The following NUMB variants were observed in gnomAD, a reference collection of about 807,000 sequenced individuals.
The protein encoded by NUMB is protein numb homolog.
NUMB carries 29 observed loss-of-function variants against 59.7 expected under a neutral mutation model. That is an observed-to-expected ratio of 0.49 (90% CI 0.36 to 0.66). NUMB has a LOEUF of 0.66. Ranked by LOEUF, NUMB falls within the 30% of genes least tolerant of loss-of-function variation. The pLI, the probability that NUMB is intolerant of heterozygous loss-of-function variation, is 0.00. For missense variants in NUMB, 723 were observed against 822.0 expected, an observed-to-expected ratio of 0.88 and a Z score of 1.47; for synonymous variants, 288 against 288.2, an observed-to-expected ratio of 1.00 and a Z score of 0.01.
chr14:73,320,657 T>C (rs953569325), intron 5 of NUMB, among the ~76,000 whole-genome samples: 3 of 152,184 alleles, frequency 2.0e-5, no homozygotes, highest in African/African-American at 4.8e-5. Context: ...AAGACTCAAT[T>C]TGACCACATA....
At chr14:73,283,321 ACT>A (rs1268393483) in intron 10 of NUMB, among the ~76,000 whole-genome samples, 2 of 152,178 alleles carry the variant, frequency 1.3e-5, no homozygotes, top group Admixed American at 6.5e-5. Flanking sequence ...GATGAACTTA[ACT>A]CTCTGTACTT....
At chr14:73,312,665 C>T (rs1479712033) in intron 6 of NUMB, among the ~76,000 whole-genome samples, 1 of 147,408 alleles carries the variant, frequency 6.8e-6, no homozygotes, top group Non-Finnish European at 1.5e-5. Context: ...AGTGAGCCAT[C>T]ATTGTGCCAC....
rs919638753 is a variant in NUMB, at chr14:73,316,285, G to A, written c.234+105C>T. 8.8e-6 allele frequency: 8 copies of A among 909,240 alleles called. No individual in the cohort carries two copies. The Admixed American group carries it at 1.6e-4, about 18-fold the overall frequency. The allele number at this position is 909,240 out of a possible 1,614,324, so 56.3% of individuals were successfully genotyped here. ...TCCATATACAATCAAACCAATTCCT[G>A]CATTATAAAGAAACCAAAGCTGTAC... On this transcript the variant is annotated intron_variant, in intron 6 of 12. Coordinates refer to ENST00000555238, the MANE Select transcript of NUMB (RefSeq NM_001005743.2).
intron 7 of NUMB, among the ~76,000 whole-genome samples, chr14:73,293,290 C>G (rs1320035729): frequency 1.3e-5 from 2 of 152,104 alleles, no homozygotes; most frequent in Non-Finnish European, 2.9e-5. Flanking sequence ...CACACATACA[C>G]ACAGTTCTGC....
intron 4 of NUMB, among the ~76,000 whole-genome samples, chr14:73,335,134 T>C (rs1892233983): frequency 6.6e-6 from 1 of 151,968 alleles, no homozygotes; most frequent in Admixed American, 6.6e-5. Flanking sequence ...AATGTTTTCA[T>C]TTTATATTAA....
intron 6 of NUMB, among the ~76,000 whole-genome samples, chr14:73,304,032 A>C (rs891160406): frequency 6.6e-6 from 1 of 152,228 alleles, no homozygotes; most frequent in Non-Finnish European, 1.5e-5. Flanking sequence ...TCTGACACTG[A>C]AGAAAATAGC....
intron 3 of NUMB, among the ~76,000 whole-genome samples, chr14:73,365,817 A>G (rs1894319591): frequency 6.6e-6 from 1 of 152,366 alleles, no homozygotes. Flanking sequence ...ATAGTTAATC[A>G]GCACTTTAGG....
At chr14:73,322,841 T>A (rs1035651918) in intron 5 of NUMB, 1 of 167,286 alleles carries the variant, frequency 6.0e-6, no homozygotes, top group African/African-American at 2.4e-5. Context: ...TAATTATTAT[T>A]TTATTATTTA....
chr14:73,328,026 G>C (rs571323753), intron 4 of NUMB, among the ~76,000 whole-genome samples: 2 of 152,294 alleles, frequency 1.3e-5, no homozygotes, highest in East Asian at 3.9e-4. Context: ...TGTAATCCCA[G>C]CACTTTGGGA....
At chr14:73,421,178 T>TTTTG (rs1013005009) in intron 1 of NUMB, among the ~76,000 whole-genome samples, 3 of 149,708 alleles carry the variant, frequency 2.0e-5, no homozygotes, top group Admixed American at 1.3e-4. Context: ...TTTTTGGTGT[T>TTTTG]TTTGTTTGTT....
At chr14:73,349,892 A>G (rs1893125720) in intron 4 of NUMB, among the ~76,000 whole-genome samples, 1 of 150,816 alleles carries the variant, frequency 6.6e-6, no homozygotes, top group African/African-American at 2.4e-5. Flanking sequence ...AAAAAAAACA[A>G]AAAACAAAAA....
intron 6 of NUMB, among the ~76,000 whole-genome samples, chr14:73,301,343 A>G (rs947414325): frequency 2.6e-5 from 4 of 152,252 alleles, no homozygotes; most frequent in Non-Finnish European, 4.4e-5. Flanking sequence ...GGAAGACTGA[A>G]GAAGGGAAAA....
chr14:73,407,907 CTG>C (rs1351067827), intron 2 of NUMB, among the ~76,000 whole-genome samples: 33 of 152,302 alleles, frequency 2.2e-4, no homozygotes, highest in African/African-American at 7.0e-4. Flanking sequence ...ACAAAATACT[CTG>C]TAACTTTGCA....
chr14:73,431,444 C>T (rs1002807864), intron 1 of NUMB, among the ~76,000 whole-genome samples: 4 of 150,872 alleles, frequency 2.7e-5, no homozygotes, highest in Admixed American at 1.3e-4. Flanking sequence ...TTAGTAGAGA[C>T]AGGGTTTTGC....
intron 6 of NUMB, among the ~76,000 whole-genome samples, chr14:73,302,405 CTTTTTT>C (rs71112726): frequency 1.7e-5 from 2 of 115,050 alleles, no homozygotes; most frequent in Non-Finnish European, 3.5e-5. Context: ...TTCCACATTT[CTTTTTT>C]TTTTTTTTTT....
intron 2 of NUMB, among the ~76,000 whole-genome samples, chr14:73,374,832 T>C (rs1320655343): frequency 6.6e-6 from 1 of 150,582 alleles, no homozygotes; most frequent in Non-Finnish European, 1.5e-5. Flanking sequence ...GCGATTCTCC[T>C]GCCTCAGCCT....
intron 2 of NUMB, among the ~76,000 whole-genome samples, chr14:73,370,048 C>T (rs1174751611): frequency 2.0e-5 from 3 of 151,926 alleles, no homozygotes; most frequent in Admixed American, 6.6e-5. Context: ...TACTCTTGTG[C>T]TTGCAGTTTG....
intron 10 of NUMB, 129 bp downstream of exon 10, chr14:73,283,952 A>T (rs1484584713): frequency 2.4e-6 from 2 of 834,260 alleles, no homozygotes; most frequent in African/African-American, 3.4e-5. Context: ...GAAATGACAA[A>T]AGATACAACT....
Position 73,393,060 on chromosome 14 carries a change from G to A in NUMB, c.-101+16877C>T, listed in dbSNP as rs559569313. Among the ~76,000 whole-genome samples the A allele has an allele frequency of 1.6e-3, 249 of 152,250 alleles. 1 individual carries two copies. The highest frequency in any genetic ancestry group is 5.7e-3 in the African/African-American group (236 of 41,538). On this transcript the variant is annotated intron_variant, in intron 2 of 12. Transcript: ENST00000555238. ...TGGTGAGGGGAGGAAATTATCAAGA[G>A]GGAACTGTGAAGAACACTTACTCAT...
Sources: gnomAD v4.1 joint callset for allele counts (sites outside exome capture counted in the v4.1 genomes callset) on GRCh38, gnomAD v4.1.1 for gene constraint, MANE v1.5 for transcripts, NCBI Gene and HGNC (gene_info 2026-07-23, HGNC 2026-07-21) for gene names.